The following CTNNA3 variants were observed in gnomAD, a reference collection of about 807,000 sequenced individuals.
The protein encoded by CTNNA3 is catenin alpha-3.
A neutral mutation model predicts 95.7 loss-of-function variants in CTNNA3; 76 were observed. That is an observed-to-expected ratio of 0.79 (90% confidence interval 0.66 to 0.96). The LOEUF (loss-of-function observed/expected upper bound fraction) is 0.96. Ranked by LOEUF, CTNNA3 falls within the 40% of genes least tolerant of loss-of-function variation. CTNNA3 has a pLI of 0.00. For missense variants in CTNNA3, 1,191 were observed against 1,089.8 expected (o/e 1.09, Z -1.31); for synonymous variants, 431 against 374.4 (o/e 1.15, Z -1.74).
intron 12 of CTNNA3, among the ~76,000 whole-genome samples, chr10:66,350,029 A>G (rs1490475588): frequency 6.6e-6 from 1 of 152,102 alleles, no homozygotes; most frequent in African/African-American, 2.4e-5. Flanking sequence ...TATTATAGCA[A>G]CGTAACACAT....
intron 13 of CTNNA3, among the ~76,000 whole-genome samples, chr10:66,156,657 AGAG>A (rs927751879): frequency 9.2e-5 from 14 of 152,054 alleles, no homozygotes; most frequent in African/African-American, 2.9e-4. Context: ...ATAGAAAGAT[AGAG>A]GAGATGATAT....
intron 10 of CTNNA3, among the ~76,000 whole-genome samples, chr10:66,521,509 G>T (rs1841068222): frequency 6.6e-6 from 1 of 152,080 alleles, no homozygotes; most frequent in Non-Finnish European, 1.5e-5. Context: ...GATTTCCCAT[G>T]GATATTCCTG....
At chr10:66,328,077 T>C (rs1433298886) in intron 12 of CTNNA3, among the ~76,000 whole-genome samples, 1 of 152,074 alleles carries the variant, frequency 6.6e-6, no homozygotes, top group Non-Finnish European at 1.5e-5. Context: ...CATTGTGCCA[T>C]GCTAATATTA....
chr10:66,916,748 G>A (rs1846513748), intron 7 of CTNNA3, among the ~76,000 whole-genome samples: 1 of 152,200 alleles, frequency 6.6e-6, no homozygotes, highest in Non-Finnish European at 1.5e-5. Context: ...GTGCTGGGGG[G>A]AAATTGAATT....
intron 7 of CTNNA3, among the ~76,000 whole-genome samples, chr10:66,970,665 T>A (rs560989611): frequency 1.3e-5 from 2 of 152,260 alleles, no homozygotes; most frequent in Non-Finnish European, 2.9e-5. Flanking sequence ...AAAATCTGCA[T>A]CTACATAATG....
At chr10:66,575,419 G>GA (rs1331793748) in intron 10 of CTNNA3, among the ~76,000 whole-genome samples, 3 of 152,070 alleles carry the variant, frequency 2.0e-5, no homozygotes, top group Admixed American at 6.6e-5. Context: ...ATTATAAGAG[G>GA]AAAAAATGCC....
rs1589530511 is a variant in CTNNA3, at chr10:67,647,449, G to A, written c.65C>T (p.Thr22Ile). The A allele has an allele frequency of 6.2e-7, 1 of 1,613,254 alleles. No homozygotes were observed. The highest frequency in any genetic ancestry group is 8.5e-7 in the Non-Finnish European group (1 of 1,179,480). The change falls in exon 2 of 18, where the codon ACC becomes ATC. Residue 22 changes from threonine (T) to isoleucine (I), a missense_variant. By Grantham distance (89) the Thr-to-Ile change is moderately conservative. Coordinates refer to ENST00000433211, the MANE Select transcript of CTNNA3 (RefSeq NM_013266.4). ...DPQDLQVQTFTVEKLLEPLII... is the reference protein window; with the variant it reads ...DPQDLQVQTFIVEKLLEPLII... ...GAGAGGCTCCAGTAGCTTCTCCACGGTGAATGTTTGGACCTGCAGATCCTG... is the reference window on the plus strand; with the variant it reads ...GAGAGGCTCCAGTAGCTTCTCCACGATGAATGTTTGGACCTGCAGATCCTG...
intron 5 of CTNNA3, among the ~76,000 whole-genome samples, chr10:67,421,997 G>C (rs969624488): frequency 1.3e-5 from 2 of 152,068 alleles, no homozygotes; most frequent in Admixed American, 6.6e-5. Context: ...TTGTGCTATT[G>C]TTATCAAAAA....
intron 5 of CTNNA3, 97 bp from the exon 6 acceptor site, chr10:67,219,967 A>G (rs552012387): frequency 1.0e-6 from 1 of 959,964 alleles, no homozygotes; most frequent in East Asian, 2.5e-5. Flanking sequence ...AAATGAAAAG[A>G]TAATAGACAT....
At chr10:67,651,714 T>G (rs1168515268) in intron 1 of CTNNA3, among the ~76,000 whole-genome samples, 1 of 152,220 alleles carries the variant, frequency 6.6e-6, no homozygotes, top group African/African-American at 2.4e-5. Flanking sequence ...CTTTTCCCAA[T>G]GTTTTAATGA....
chr10:67,326,229 A>AG (rs2132566928), intron 5 of CTNNA3, among the ~76,000 whole-genome samples: 1 of 152,292 alleles, frequency 6.6e-6, no homozygotes, highest in East Asian at 1.9e-4. Flanking sequence ...ATTTACACTC[A>AG]AGGTTAGTAA....
intron 5 of CTNNA3, among the ~76,000 whole-genome samples, chr10:67,465,292 C>A (rs750610152): frequency 4.6e-5 from 7 of 151,956 alleles, no homozygotes; most frequent in Admixed American, 1.3e-4. Context: ...CCATTTTCAG[C>A]CTTAATCGCC....
intron 4 of CTNNA3, among the ~76,000 whole-genome samples, chr10:67,524,961 G>C (rs1840097579): frequency 6.6e-6 from 1 of 152,072 alleles, no homozygotes; most frequent in African/African-American, 2.4e-5. Context: ...TATTTGTTCA[G>C]TACATGATAA....
At chr10:67,149,517 G>A (rs1482738147) in intron 7 of CTNNA3, among the ~76,000 whole-genome samples, 9 of 152,252 alleles carry the variant, frequency 5.9e-5, no homozygotes, top group African/African-American at 1.9e-4. Flanking sequence ...CCCGGGAGGC[G>A]GAGCTTGCAG....
At chr10:66,102,638 C>G (rs1027500970) in intron 14 of CTNNA3, among the ~76,000 whole-genome samples, 2 of 151,978 alleles carry the variant, frequency 1.3e-5, no homozygotes, top group Non-Finnish European at 2.9e-5. Context: ...AAGTGAAGTA[C>G]AATATCTCAG....
chr10:65,956,711 T>C (rs1040599445), intron 17 of CTNNA3, among the ~76,000 whole-genome samples: 2 of 152,380 alleles, frequency 1.3e-5, no homozygotes, highest in Admixed American at 1.3e-4. Context: ...AGTGAGTTTC[T>C]TAATCCTGAG....
chr10:67,422,428 A>C (rs1292682075), intron 5 of CTNNA3, among the ~76,000 whole-genome samples: 2 of 152,168 alleles, frequency 1.3e-5, no homozygotes, highest in Non-Finnish European at 2.9e-5. Context: ...AATCTGAGTA[A>C]AATGTGTATG....
chr10:66,667,219 A>G (rs1846486497), intron 9 of CTNNA3, among the ~76,000 whole-genome samples: 1 of 151,782 alleles, frequency 6.6e-6, no homozygotes, highest in Non-Finnish European at 1.5e-5. Flanking sequence ...TTGTTACTAT[A>G]AGAGCACAAA....
chr10:66,944,296 T>C (rs7920070), intron 7 of CTNNA3, among the ~76,000 whole-genome samples: 42,226 of 152,092 alleles, frequency 0.28, 6,162 homozygotes, highest in Middle Eastern at 0.34. Flanking sequence ...AGAGACAACT[T>C]TCTCTGTTCA....
Sources: gnomAD v4.1 joint callset for allele counts (sites outside exome capture counted in the v4.1 genomes callset) on GRCh38, gnomAD v4.1.1 for gene constraint, MANE v1.5 for transcripts, NCBI Gene and HGNC (gene_info 2026-07-23, HGNC 2026-07-21) for gene names.